Variants in MEIS2 observed in about 807,000 individuals in gnomAD.
MEIS2 encodes the protein homeobox protein Meis2.
A neutral mutation model predicts 58.6 loss-of-function variants in MEIS2; 9 were observed. The observed-to-expected ratio is 0.15, with a 90% CI of 0.09 to 0.27. The LOEUF (loss-of-function observed/expected upper bound fraction) is 0.27. MEIS2 is among the 10% of genes least tolerant of loss of function. MEIS2 has a pLI of 1.00. For synonymous variants in MEIS2, 221 were observed against 228.4 expected (o/e 0.97, Z 0.29); for missense variants, 427 against 635.0 (o/e 0.67, Z 3.52).
intron 7 of MEIS2, among the ~76,000 whole-genome samples, chr15:37,072,179 G>A (rs931085031): frequency 6.6e-6 from 1 of 152,010 alleles, no homozygotes; most frequent in Non-Finnish European, 1.5e-5. Context: ...CATTCTACAA[G>A]AGTTATTTTT....
chr15:37,002,353 A>G (rs2060761611), intron 8 of MEIS2, among the ~76,000 whole-genome samples: 1 of 151,706 alleles, frequency 6.6e-6, no homozygotes, highest in Admixed American at 6.6e-5. Context: ...GCTGGAAGTA[A>G]TCTTTCCTTC....
chr15:37,032,625 G>T (rs1258681345), intron 8 of MEIS2, among the ~76,000 whole-genome samples: 1 of 152,142 alleles, frequency 6.6e-6, no homozygotes, highest in Non-Finnish European at 1.5e-5. Flanking sequence ...ATCATCACTG[G>T]ATTTCTTAGC....
At chr15:37,016,538 T>G (rs1468849888) in intron 8 of MEIS2, among the ~76,000 whole-genome samples, 1 of 152,032 alleles carries the variant, frequency 6.6e-6, no homozygotes, top group Admixed American at 6.6e-5. Flanking sequence ...CGAAAAGGGA[T>G]CAGTGAAGTA....
chr15:36,976,502 ATAT>A (rs1184355118), intron 8 of MEIS2, among the ~76,000 whole-genome samples: 4 of 148,524 alleles, frequency 2.7e-5, no homozygotes, highest in Non-Finnish European at 5.9e-5. Context: ...GTATATAATT[ATAT>A]TATTATATGT....
Position 37,036,897 on chromosome 15 carries a change from C to A in MEIS2, c.817G>T (p.Asp273Tyr). 1.2e-6 allele frequency: 2 copies of A among 1,613,290 alleles called. No individual in the cohort carries two copies. Among genetic ancestry groups the A allele is most frequent in the Non-Finnish European group, 1.7e-6 (2 of 1,179,758 alleles). ...CCTCTTTTCTTCTGGCGTTTTTTGT[C>A]CTTATCCGGATCATCATCGTCACCT... Reference protein sequence around the residue: ...GTGDDDDPDKDKKRQKKRGIF... With the variant: ...GTGDDDDPDKYKKRQKKRGIF... The change falls in exon 8 of 12, where the codon GAC becomes TAC. Residue 273 changes from aspartate (D) to tyrosine (Y), a missense_variant. Around this residue, in one of 6 missense-constraint regions of MEIS2, gnomAD observed 138 missense variants for 263.0 expected, o/e 0.52. Coordinates refer to ENST00000561208, the MANE Select transcript of MEIS2 (RefSeq NM_170675.5).
chr15:36,993,589 C>T (rs1462570018), intron 8 of MEIS2, among the ~76,000 whole-genome samples: 1 of 152,098 alleles, frequency 6.6e-6, no homozygotes, highest in African/African-American at 2.4e-5. Flanking sequence ...GGAATATCAC[C>T]TCCTAGATCC....
chr15:36,984,143 T>C (rs965858055), intron 8 of MEIS2, among the ~76,000 whole-genome samples: 2 of 152,160 alleles, frequency 1.3e-5, no homozygotes, highest in Admixed American at 1.3e-4. Context: ...TATTTCTTTT[T>C]CTTGCCTAAT....
intron 8 of MEIS2, among the ~76,000 whole-genome samples, chr15:36,998,047 C>T (rs1193296480): frequency 6.6e-6 from 1 of 152,100 alleles, no homozygotes; most frequent in African/African-American, 2.4e-5. Context: ...TGTACTGTCC[C>T]TTTAGATGTT....
intron 8 of MEIS2, among the ~76,000 whole-genome samples, chr15:37,026,169 G>A (rs925782819): frequency 3.9e-5 from 6 of 152,122 alleles, no homozygotes; most frequent in South Asian, 2.1e-4. Context: ...AAAAAATAAG[G>A]TTGCTTTTAA....
In MEIS2 at chr15:37,095,559, C is replaced by A. The variant is rs766948443; in HGVS notation, c.438+5G>T. The A allele has an allele frequency of 6.2e-7, 1 of 1,614,170 alleles. No homozygotes were observed. Among genetic ancestry groups the A allele is most frequent in the Non-Finnish European group, 8.5e-7 (1 of 1,180,030 alleles). On this transcript the variant is annotated splice_donor_5th_base_variant and intron_variant, in intron 4 of 11. Coordinates refer to ENST00000561208, the MANE Select transcript of MEIS2 (RefSeq NM_170675.5). Reference sequence around the variant, plus strand: ...TGGGGAAAAACAAGGAACAGAGAGCCTTACCAAATTGTCCAGCTCTGGATT... The same window carrying A: ...TGGGGAAAAACAAGGAACAGAGAGCATTACCAAATTGTCCAGCTCTGGATT...
At chr15:36,984,109 T>C (rs2060018588) in intron 8 of MEIS2, among the ~76,000 whole-genome samples, 1 of 152,148 alleles carries the variant, frequency 6.6e-6, no homozygotes, top group African/African-American at 2.4e-5. Flanking sequence ...TTTTTACTTC[T>C]TTCTTTTTGA....
intron 6 of MEIS2, among the ~76,000 whole-genome samples, chr15:37,086,977 T>TA (rs1417669822): frequency 1.3e-5 from 2 of 152,182 alleles, no homozygotes; most frequent in African/African-American, 4.8e-5. Flanking sequence ...TTCTTCCCCT[T>TA]AGAGTTTACA....
rs533120550 is a variant in MEIS2 at position 37,034,217 on chromosome 15, G to A, written c.900+2597C>T. On this transcript the variant is annotated intron_variant, in intron 8 of 11. Transcript: ENST00000561208. ...AGCAGAACCAAAACCTAGGAGCATG[G>A]GAAAGGAGCTTATCCATCCTGCAAC... 1.4e-4 allele frequency among the ~76,000 whole-genome samples: 21 copies of A among 152,246 alleles called. No individual in the cohort carries two copies. In the South Asian group the frequency reaches 3.3e-3, roughly 24 times the overall value.
In MEIS2 at chr15:37,093,617, T is replaced by C. The variant is rs2140088565; in HGVS notation, c.603A>G (p.Glu201=). The change falls in exon 6 of 12, where the codon GAA becomes GAG. Residue 201 remains glutamate (E), a synonymous_variant. Transcript: ENST00000561208. ...ERDGSSKSDH[E]ELSGSSTNLA... ...GATTTGTGGAGGAGCCTGAAAGTTCTTCATGATCTGACTTGGAGCTGCCGT... is the reference window on the plus strand; with the variant it reads ...GATTTGTGGAGGAGCCTGAAAGTTCCTCATGATCTGACTTGGAGCTGCCGT... 3.7e-6 allele frequency: 6 copies of C among 1,614,218 alleles called. No homozygotes were observed. Among genetic ancestry groups the C allele is most frequent in the South Asian group, 1.1e-5 (1 of 91,086 alleles).
intron 9 of MEIS2, among the ~76,000 whole-genome samples, chr15:36,940,802 C>T (rs1788263939): frequency 6.6e-6 from 1 of 152,166 alleles, no homozygotes; most frequent in Admixed American, 6.5e-5. Context: ...TCAGAAAAGG[C>T]ACACGGAGTC....
At chr15:36,909,879 A>T (rs2056921989) in intron 9 of MEIS2, among the ~76,000 whole-genome samples, 1 of 150,362 alleles carries the variant, frequency 6.7e-6, no homozygotes, top group East Asian at 2.0e-4. Context: ...GTTAGGAGAG[A>T]GGGATAGAGA....
chr15:37,066,137 C>A (rs1212903332), intron 7 of MEIS2, among the ~76,000 whole-genome samples: 1 of 151,824 alleles, frequency 6.6e-6, no homozygotes, highest in Non-Finnish European at 1.5e-5. Context: ...TGGATCTAAC[C>A]AATATAAATT....
chr15:36,910,213 A>G (rs1016859870), intron 9 of MEIS2, among the ~76,000 whole-genome samples: 1 of 152,142 alleles, frequency 6.6e-6, no homozygotes, highest in Non-Finnish European at 1.5e-5. Flanking sequence ...CTCAACCCCC[A>G]AAACAAAAAG....
rs111745268 is a variant in MEIS2 at position 36,976,970 on chromosome 15, A to C, written c.901-26570T>G. The stretch of plus-strand genomic sequence containing the variant: ...GAAACCCCATCTCTACTAAAAATAC[A>C]AAAAAATTAGCTGGGCATGGTGGCG... On this transcript the variant is annotated intron_variant, in intron 8 of 11. Coordinates refer to ENST00000561208, the MANE Select transcript of MEIS2 (RefSeq NM_170675.5). Among the ~76,000 whole-genome samples, 634 of 152,128 alleles carry C rather than the reference A, an allele frequency of 4.2e-3. 3 individuals are homozygous for C. Among genetic ancestry groups the C allele is most frequent in the African/African-American group, 0.015 (608 of 41,514 alleles).
Sources: allele counts gnomAD v4.1 joint callset (sites outside exome capture counted in the v4.1 genomes callset), GRCh38; gene constraint gnomAD v4.1.1; regional missense constraint gnomAD v4.1.1; transcripts MANE v1.5; gene names NCBI Gene and HGNC (gene_info 2026-07-23, HGNC 2026-07-21).